NHS: variants seen among roughly 807,000 people sequenced by gnomAD.
NHS encodes NHS actin remodeling regulator.
NHS carries 5 observed loss-of-function variants against 72.5 expected under a neutral mutation model. The ratio of observed to expected loss-of-function variants is 0.07; its 90% confidence interval spans 0.04 to 0.14. The LOEUF (loss-of-function observed/expected upper bound fraction) is 0.14. Among genes scored for constraint, NHS ranks in the 10% least tolerant of loss-of-function variants. The pLI, the probability that NHS is intolerant of heterozygous loss-of-function variation, is 1.00. For missense variants in NHS, 1,072 were observed against 1,355.7 expected (o/e 0.79, Z 3.29); for synonymous variants, 464 against 547.7 (o/e 0.85, Z 2.13).
At chrX:17,613,146 G>A (rs2065719256) in intron 1 of NHS, among the ~76,000 whole-genome samples, 1 of 111,232 alleles carries the variant, frequency 9.0e-6, no homozygotes, top group Non-Finnish European at 1.9e-5. Flanking sequence ...GCTGAGGCAG[G>A]TGGATCACTT....
chrX:17,653,335 C>G (rs763924833), intron 1 of NHS, among the ~76,000 whole-genome samples: 3 of 111,339 alleles, frequency 2.7e-5, no homozygotes, highest in African/African-American at 9.8e-5. Context: ...TTTCCCAAGG[C>G]CACACTTGTT....
chrX:17,545,262 A>G (rs997347624), intron 1 of NHS, among the ~76,000 whole-genome samples: 1 of 112,613 alleles, frequency 8.9e-6, no homozygotes, highest in Non-Finnish European at 1.9e-5. Flanking sequence ...TGGAACAAGC[A>G]ATTCCCAAAT....
chrX:17,596,255 G>A (rs1336288837), intron 1 of NHS, among the ~76,000 whole-genome samples: 2 of 112,090 alleles, frequency 1.8e-5, no homozygotes, highest in Non-Finnish European at 3.8e-5. Context: ...TCTTAGTAAT[G>A]TGCTTGTAAT....
At chrX:17,451,479 C>T (rs1336775743) in intron 1 of NHS, among the ~76,000 whole-genome samples, 1 of 112,667 alleles carries the variant, frequency 8.9e-6, no homozygotes, top group Non-Finnish European at 1.9e-5. Flanking sequence ...AGTACCACGT[C>T]CTTTCACATA....
chrX:17,631,537 G>A (rs2065822193), intron 1 of NHS, among the ~76,000 whole-genome samples: 1 of 111,647 alleles, frequency 9.0e-6, no homozygotes, highest in Non-Finnish European at 1.9e-5. Context: ...TTAAGCAAAT[G>A]GACAATTAAA....
intron 1 of NHS, among the ~76,000 whole-genome samples, chrX:17,543,425 T>C (rs1247894498): frequency 8.9e-6 from 1 of 111,959 alleles, no homozygotes; most frequent in Non-Finnish European, 1.9e-5. Flanking sequence ...AACTAGGAAA[T>C]GCTTAGAGCT....
At chrX:17,459,487 T>C (rs1180185789) in intron 1 of NHS, among the ~76,000 whole-genome samples, 1 of 112,421 alleles carries the variant, frequency 8.9e-6, no homozygotes, top group Non-Finnish European at 1.9e-5. Context: ...TTTACAAGAA[T>C]TGTATGCTTG....
chrX:17,477,235 C>T (rs2064923755), intron 1 of NHS, among the ~76,000 whole-genome samples: 1 of 111,669 alleles, frequency 9.0e-6, no homozygotes, highest in African/African-American at 3.3e-5. Context: ...AGGAAAGCCT[C>T]ACGGAGAAGT....
intron 1 of NHS, chrX:17,557,460 T>C (rs1464250554): frequency 9.1e-6 from 1 of 110,284 alleles, no homozygotes; most frequent in Non-Finnish European, 1.9e-5. Context: ...AATTTGTTTT[T>C]TTCTAAGGCT....
At chrX:17,529,667 C>G (rs746994637) in intron 1 of NHS, among the ~76,000 whole-genome samples, 1 of 112,054 alleles carries the variant, frequency 8.9e-6, no homozygotes, top group African/African-American at 3.2e-5. Context: ...GACTCCAACT[C>G]AAAGTCTTTG....
In NHS at chrX:17,408,710, C is replaced by T. The variant is rs144036397; in HGVS notation, c.565+32388C>T. Among the ~76,000 whole-genome samples, 151 of 111,694 alleles carry T rather than the reference C, an allele frequency of 1.4e-3. 1 individual carries two copies. Among genetic ancestry groups the T allele is most frequent in the African/African-American group, 4.5e-3 (139 of 30,765 alleles). Reference sequence around the variant, plus strand: ...CCAAGTAATTACCAACTCATGTCATCGGATGCCCATTTGACTAGTCCCAGT... The same window carrying T: ...CCAAGTAATTACCAACTCATGTCATTGGATGCCCATTTGACTAGTCCCAGT... On this transcript the variant is annotated intron_variant, in intron 1 of 8. Transcript: ENST00000676302.
chrX:17,462,399 T>C (rs910818174), intron 1 of NHS, among the ~76,000 whole-genome samples: 1 of 111,405 alleles, frequency 9.0e-6, no homozygotes, highest in Non-Finnish European at 1.9e-5. Flanking sequence ...GCAGTCTGGC[T>C]TCAGAGTCTG....
chrX:17,615,215 CGTATATAT>C (rs1230609251), intron 1 of NHS, among the ~76,000 whole-genome samples: 6 of 89,144 alleles, frequency 6.7e-5, no homozygotes, highest in African/African-American at 2.3e-4. Flanking sequence ...TATATATATA[CGTATATAT>C]ACACATATAT....
chrX:17,446,748 A>G (rs1403174370), intron 1 of NHS, among the ~76,000 whole-genome samples: 2 of 111,251 alleles, frequency 1.8e-5, no homozygotes, highest in African/African-American at 6.5e-5. Context: ...TTTGGTGTAT[A>G]TCCTTCGGGT....
chrX:17,676,239 C>T lies in NHS; in HGVS notation c.566-11503C>T, dbSNP rs756698348. The stretch of plus-strand genomic sequence containing the variant: ...ATTTTCACATGCTTTTTCTGACCTG[C>T]CTGTCCCACTCCAGCTCCATTTTCT... On this transcript the variant is annotated intron_variant, in intron 1 of 8. Coordinates refer to ENST00000676302, the MANE Select transcript of NHS (RefSeq NM_001291867.2). Among the ~76,000 whole-genome samples, 5 of 111,956 alleles carry T rather than the reference C, an allele frequency of 4.5e-5. No homozygotes were observed. In the Admixed American group the frequency reaches 4.7e-4, roughly 11 times the overall value.
At chrX:17,435,876 C>A (rs2064719522) in intron 1 of NHS, among the ~76,000 whole-genome samples, 1 of 111,697 alleles carries the variant, frequency 9.0e-6, no homozygotes, top group African/African-American at 3.3e-5. Flanking sequence ...ACCGTGGAGA[C>A]CCTCAGGTCC....
At chrX:17,586,236 C>T (rs2146986701) in intron 1 of NHS, 1 of 111,348 alleles carries the variant, frequency 9.0e-6, no homozygotes, top group East Asian at 2.8e-4. Flanking sequence ...CAATGAGGTG[C>T]TGTGGGTTGG....
intron 1 of NHS, among the ~76,000 whole-genome samples, chrX:17,396,303 AT>A (rs1467327661): frequency 9.0e-6 from 1 of 110,647 alleles, no homozygotes; most frequent in Non-Finnish European, 1.9e-5. Context: ...TGATATATTT[AT>A]TTATTTATTT....
At chrX:17,705,122 A>G (rs1409969905) in intron 3 of NHS, among the ~76,000 whole-genome samples, 1 of 111,757 alleles carries the variant, frequency 8.9e-6, no homozygotes, top group Non-Finnish European at 1.9e-5. Context: ...AGAGAAATAG[A>G]CTGGGTGTAC....
Sources: allele counts gnomAD v4.1 joint callset (sites outside exome capture counted in the v4.1 genomes callset), GRCh38; gene constraint gnomAD v4.1.1; transcripts MANE v1.5; gene names NCBI Gene and HGNC (gene_info 2026-07-23, HGNC 2026-07-21).